Variants in GMFB observed in about 807,000 individuals in gnomAD.
GMFB encodes the protein glia maturation factor beta, also known as GMF-beta.
GMFB carries 13 observed loss-of-function variants against 25.6 expected under a neutral mutation model. The observed-to-expected ratio is 0.51, with a 90% CI of 0.33 to 0.81. The LOEUF (loss-of-function observed/expected upper bound fraction) is 0.81. GMFB is among the 30% of genes least tolerant of loss of function. The pLI, the probability that GMFB is intolerant of heterozygous loss-of-function variation, is 0.02. For missense variants in GMFB, 146 were observed against 175.4 expected (o/e 0.83, Z 0.95); for synonymous variants, 57 against 56.9 (o/e 1.00, Z 0.00).
At chr14:54,486,429 A>C (rs2031783872) in intron 1 of GMFB, among the ~76,000 whole-genome samples, 1 of 152,220 alleles carries the variant, frequency 6.6e-6, no homozygotes, top group South Asian at 2.1e-4. Context: ...GTAAGACCTC[A>C]AAAGCACAGA....
intron 3 of GMFB, 67 bp from the exon 4 acceptor site, chr14:54,481,525 AG>A (rs2140033070): frequency 1.0e-6 from 1 of 967,248 alleles, no homozygotes; most frequent in South Asian, 1.3e-5. Context: ...AGATACACCA[AG>A]CACCCATTCT....
In GMFB at chr14:54,488,952, G is replaced by A. The variant is rs752186576; in HGVS notation, c.-25C>T. On this transcript the variant is annotated 5_prime_UTR_variant, in exon 1 of 7. Transcript: ENST00000358056. ...TTTTCCTTCCGGCCGTCAGCGGCCT[G>A]TCGCCTACACTCGGGCGCCTTTAAG... is the stretch of plus-strand genomic sequence containing the variant. The A allele has an allele frequency of 1.2e-5, 19 of 1,559,510 alleles. No homozygotes were observed. The East Asian group carries it at 3.4e-4, about 28-fold the overall frequency.
rs1183755817 is a variant in GMFB, at chr14:54,483,674, T to A, written c.97A>T (p.Ile33Leu). The A allele has an allele frequency of 2.0e-6, 3 of 1,529,022 alleles. No homozygotes were observed. Among genetic ancestry groups the A allele is most frequent in the African/African-American group, 1.4e-5 (1 of 73,074 alleles). 94.7% of individuals were successfully genotyped at this position (1,529,022 alleles called of 1,614,324 possible). Residue 33 changes from isoleucine (I) to leucine (L), a missense_variant, in exon 2 of 7, where the codon ATA becomes TTA. By Grantham distance (5) the Ile-to-Leu change is conservative. Coordinates refer to ENST00000358056, the MANE Select transcript of GMFB (RefSeq NM_004124.3). ...FRKETNNAAI[I>L]MKIDKDKRLV... ...GAGGCAATCACTTTTAGCTTACTTA[T>A]AATAGCAGCGTTGTTCGTTTCTTTG...
chr14:54,478,314 G>A (rs1325052373), intron 6 of GMFB, 155 bp from the exon 7 acceptor site: 3 of 439,370 alleles, frequency 6.8e-6, no homozygotes, highest in Non-Finnish European at 8.2e-6. Context: ...CTTTCATATT[G>A]TTCATGACTT....
intron 1 of GMFB, 54 bp downstream of exon 1, chr14:54,488,871 C>G: frequency 5.3e-6 from 8 of 1,511,170 alleles, no homozygotes; most frequent in Non-Finnish European, 7.1e-6. Context: ...CGGGAAAACC[C>G]GGCTGGCCGG....
intron 1 of GMFB, among the ~76,000 whole-genome samples, chr14:54,484,583 G>A (rs1348541932): frequency 1.3e-5 from 2 of 151,962 alleles, no homozygotes; most frequent in Non-Finnish European, 2.9e-5. Context: ...CAGGATCTGA[G>A]GGCTTCACTG....
chr14:54,485,935 C>G (rs1387022787), intron 1 of GMFB, among the ~76,000 whole-genome samples: 2 of 152,158 alleles, frequency 1.3e-5, no homozygotes, highest in Non-Finnish European at 2.9e-5. Flanking sequence ...GCTGGGAAAA[C>G]CAGATAGCTA....
intron 6 of GMFB, chr14:54,479,470 C>T (rs558860496): frequency 2.6e-5 from 6 of 226,670 alleles, no homozygotes; most frequent in African/African-American, 1.4e-4. Context: ...AACTTCAATG[C>T]TGACCCTTAT....
At chr14:54,480,818 A>G in intron 5 of GMFB, 56 bp downstream of exon 5, 1 of 858,340 alleles carries the variant, frequency 1.2e-6, no homozygotes, top group Non-Finnish European at 1.9e-6. Context: ...TGTCTAGTAT[A>G]AAATGGCTTA....
chr14:54,485,517 G>A (rs559524281), intron 1 of GMFB, among the ~76,000 whole-genome samples: 11 of 151,356 alleles, frequency 7.3e-5, no homozygotes, highest in Non-Finnish European at 1.2e-4. Context: ...AGAAATTGAA[G>A]AGAACATACA....
chr14:54,480,846 T>A, intron 5 of GMFB, 28 bp downstream of exon 5: 2 of 1,134,506 alleles, frequency 1.8e-6, no homozygotes, highest in Non-Finnish European at 2.6e-6. Context: ...CTAAGCCAAA[T>A]ATGTGTTATT....
intron 1 of GMFB, among the ~76,000 whole-genome samples, chr14:54,487,304 G>GACCTC (rs559629736): frequency 0.03 from 4,602 of 152,024 alleles, 151 homozygotes; most frequent in East Asian, 0.097. Flanking sequence ...GGCCGAGGCA[G>GACCTC]GTGGATCACG....
At position 54,478,020 on chromosome 14, in the gene GMFB, A is replaced by T. The variant is rs762279031; in HGVS notation, c.*68T>A. 1 of 672,138 alleles carries T rather than the reference A, an allele frequency of 1.5e-6. No individual in the cohort carries two copies. The highest frequency in any genetic ancestry group is 3.5e-5 in the Admixed American group (1 of 28,196). The allele number at this position is 672,138 out of a possible 1,614,324, so 41.6% of individuals were successfully genotyped here. On this transcript the variant is annotated 3_prime_UTR_variant, in exon 7 of 7. Transcript: ENST00000358056. ...AACAGTGCATTTTTAGGCATAAATA[A>T]GTATTTATGTCTGATTCCAGTATGG...
intron 1 of GMFB, among the ~76,000 whole-genome samples, chr14:54,486,282 C>T (rs1442254959): frequency 6.6e-6 from 1 of 151,856 alleles, no homozygotes; most frequent in East Asian, 1.9e-4. Context: ...AACAAACAGA[C>T]CCCAACTCTC....
chr14:54,480,600 C>A (rs536076838), intron 5 of GMFB: 1 of 287,998 alleles, frequency 3.5e-6, no homozygotes, highest in Non-Finnish European at 6.4e-6. Context: ...ATTAGAATGT[C>A]ATCACGTTTC....
At position 54,477,862 on chromosome 14, in the gene GMFB, A is replaced by G; in HGVS notation, c.*226T>C. 1 of 369,132 alleles carries G rather than the reference A, an allele frequency of 2.7e-6. No homozygotes were observed. The highest frequency in any genetic ancestry group is 5.0e-6 in the Non-Finnish European group (1 of 201,564). The allele number at this position is 369,132 out of a possible 1,614,324, so 22.9% of individuals were successfully genotyped here. A position where few individuals can be genotyped will look rare whatever the true frequency, so the allele number is the denominator to read the frequency against. On this transcript the variant is annotated 3_prime_UTR_variant, in exon 7 of 7. Transcript: ENST00000358056. ...AGAGTGCAAAAAGTCCCTGGAGAAA[A>G]GTAGTCCACCTAACAATTACCAATA...
chr14:54,483,125 A>G (rs540372125), intron 2 of GMFB: 1 of 153,082 alleles, frequency 6.5e-6, no homozygotes, highest in South Asian at 2.1e-4. Context: ...AATACAAGGG[A>G]AATCTGCATA....
At position 54,474,601 on chromosome 14, in the gene GMFB, G is replaced by C. The variant is rs1377455638; in HGVS notation, c.*3487C>G. 6.6e-6 allele frequency: 1 copy of C among 152,654 alleles called. No individual in the cohort carries two copies. The highest frequency in any genetic ancestry group is 1.5e-5 in the Non-Finnish European group (1 of 68,044). The allele number at this position is 152,654 out of a possible 1,614,324, so 9.5% of individuals were successfully genotyped here. A position where few individuals can be genotyped will look rare whatever the true frequency, so the allele number is the denominator to read the frequency against. ...GACTGAAACCACAGCTTAAGGAGTTGTGTCAGTTGTTGGTTTTGTTAAACG... is the reference window on the plus strand; with the variant it reads ...GACTGAAACCACAGCTTAAGGAGTTCTGTCAGTTGTTGGTTTTGTTAAACG... On this transcript the variant is annotated 3_prime_UTR_variant, in exon 7 of 7. Transcript: ENST00000358056.
At chr14:54,488,505 C>A (rs1380725228) in intron 1 of GMFB, 5 of 184,382 alleles carry the variant, frequency 2.7e-5, no homozygotes, top group African/African-American at 1.2e-4. Context: ...GTGGAAGATG[C>A]TCGGGGCCCA....
Sources: gnomAD v4.1 joint callset for allele counts (sites outside exome capture counted in the v4.1 genomes callset) on GRCh38, gnomAD v4.1.1 for gene constraint, MANE v1.5 for transcripts, NCBI Gene and HGNC (gene_info 2026-07-23, HGNC 2026-07-21) for gene names.